The following HDAC9 variants were observed in gnomAD, a reference collection of about 807,000 sequenced individuals.
HDAC9 encodes the protein MEF-2 interacting transcription repressor (MITR) protein.
HDAC9 carries 41 observed loss-of-function variants against 139.4 expected under a neutral mutation model. That is an observed-to-expected ratio of 0.29 (90% CI 0.23 to 0.38). The LOEUF is 0.38. HDAC9 is among the 10% of genes least tolerant of loss of function. The pLI, the probability that HDAC9 is intolerant of heterozygous loss-of-function variation, is 1.00. For synonymous variants in HDAC9, 517 were observed against 476.2 expected (o/e 1.09, Z -1.12); for missense variants, 1,147 against 1,297.0 (o/e 0.88, Z 1.78).
chr7:18,799,876 C>T (rs1793144275), intron 17 of HDAC9, among the ~76,000 whole-genome samples: 1 of 152,018 alleles, frequency 6.6e-6, no homozygotes, highest in South Asian at 2.1e-4. Flanking sequence ...GAATATTTCC[C>T]AAATTCAATA....
At chr7:18,515,721 G>A (rs1802970640) in intron 2 of HDAC9, among the ~76,000 whole-genome samples, 1 of 152,156 alleles carries the variant, frequency 6.6e-6, no homozygotes, top group South Asian at 2.1e-4. Context: ...TTAAAACATG[G>A]AGTTTCAACA....
At chr7:18,761,708 T>C (rs577800804) in intron 14 of HDAC9, among the ~76,000 whole-genome samples, 8 of 152,290 alleles carry the variant, frequency 5.3e-5, no homozygotes, top group African/African-American at 1.7e-4. Context: ...AGCGTATCTG[T>C]GATCATCAAG....
At chr7:18,435,059 C>CAAAAAAAAAAA (rs376786180) in intron 1 of HDAC9, among the ~76,000 whole-genome samples, 44 of 67,790 alleles carry the variant, frequency 6.5e-4, no homozygotes, top group South Asian at 7.7e-4. Context: ...ACTACACAGC[C>CAAAAAAAAAAA]AAAAAAAAAA....
At chr7:18,165,052 T>G (rs1000352719) in intron 2 of HDAC9, among the ~76,000 whole-genome samples, 7 of 152,210 alleles carry the variant, frequency 4.6e-5, no homozygotes, top group Non-Finnish European at 8.8e-5. Flanking sequence ...TTTAGTGTCT[T>G]AAGTATTTTA....
At chr7:18,821,196 C>A (rs1794942784) in intron 17 of HDAC9, among the ~76,000 whole-genome samples, 2 of 152,226 alleles carry the variant, frequency 1.3e-5, no homozygotes, top group African/African-American at 4.8e-5. Flanking sequence ...ATAGGAAATG[C>A]TCTCATGACC....
intron 2 of HDAC9, among the ~76,000 whole-genome samples, chr7:18,498,890 C>G (rs1797651543): frequency 6.6e-6 from 1 of 152,012 alleles, no homozygotes; most frequent in Admixed American, 6.6e-5. Context: ...GTTTTCAATG[C>G]CATGTTCTAT....
chr7:18,277,083 A>G (rs906438648), intron 2 of HDAC9, among the ~76,000 whole-genome samples: 3 of 67,676 alleles, frequency 4.4e-5, no homozygotes, highest in African/African-American at 2.9e-4. Flanking sequence ...TTACATTGTT[A>G]AAAAAACAAA....
At chr7:18,289,547 G>T (rs1005786613), upstream of HDAC9, among the ~76,000 whole-genome samples, 17 of 152,168 alleles carry the variant, frequency 1.1e-4, no homozygotes, top group African/African-American at 4.1e-4. Flanking sequence ...GCAAGAGCTA[G>T]TGAGGCTTCA....
chr7:18,138,677 C>A (rs1391167528), intron 1 of HDAC9, among the ~76,000 whole-genome samples: 4 of 151,936 alleles, frequency 2.6e-5, no homozygotes, highest in Non-Finnish European at 5.9e-5. Flanking sequence ...TTTGGACATG[C>A]ACCAGCCAAA....
At chr7:18,109,829 G>T (rs1236963903) in intron 1 of HDAC9, among the ~76,000 whole-genome samples, 4 of 152,130 alleles carry the variant, frequency 2.6e-5, no homozygotes, top group Non-Finnish European at 5.9e-5. Context: ...AAGAAACTTT[G>T]CTTAAAATAC....
At chr7:18,095,168 A>G (rs1782427211) in intron 1 of HDAC9, among the ~76,000 whole-genome samples, 1 of 151,944 alleles carries the variant, frequency 6.6e-6, no homozygotes, top group South Asian at 2.1e-4. Flanking sequence ...TCTCTGCCCT[A>G]CTTTTTCACT....
intron 22 of HDAC9, among the ~76,000 whole-genome samples, chr7:18,885,070 G>GAAATTACAATTT (rs1393219031): frequency 6.6e-6 from 1 of 152,176 alleles, no homozygotes; most frequent in African/African-American, 2.4e-5. Context: ...CAATACGTTG[G>GAAATTACAATTT]GAATTACAAT....
chr7:18,317,791 T>C (rs1303797725), intron 1 of HDAC9, among the ~76,000 whole-genome samples: 5 of 152,204 alleles, frequency 3.3e-5, no homozygotes, highest in Non-Finnish European at 5.9e-5. Context: ...CAATCCTTTG[T>C]GTTTTGTTTC....
chr7:18,416,250 C>T (rs775382753), intron 1 of HDAC9, among the ~76,000 whole-genome samples: 9 of 151,830 alleles, frequency 5.9e-5, no homozygotes, highest in Non-Finnish European at 1.0e-4. Context: ...GAGCCGAGAT[C>T]GTGCCATTAT....
chr7:18,930,470 C>A (rs59071063), intron 22 of HDAC9, among the ~76,000 whole-genome samples: 3,659 of 149,934 alleles, frequency 0.024, 216 homozygotes, highest in East Asian at 0.17. Context: ...CACACAAACA[C>A]ACACACACAC....
At chr7:18,182,359 T>C (rs917908958) in intron 2 of HDAC9, among the ~76,000 whole-genome samples, 1 of 152,240 alleles carries the variant, frequency 6.6e-6, no homozygotes, top group African/African-American at 2.4e-5. Flanking sequence ...AGGAGCAGGC[T>C]TCTGTGGGGG....
intron 2 of HDAC9, among the ~76,000 whole-genome samples, chr7:18,277,641 T>TA (rs1554353680): frequency 1.3e-5 from 2 of 152,214 alleles, no homozygotes; most frequent in East Asian, 3.8e-4. Flanking sequence ...AAAGAAGACT[T>TA]ACTGGAAGTC....
intron 23 of HDAC9, among the ~76,000 whole-genome samples, chr7:18,941,198 G>A (rs955015888): frequency 4.2e-5 from 6 of 143,040 alleles, no homozygotes; most frequent in Admixed American, 7.2e-5. Flanking sequence ...CCTCCCTCCC[G>A]TTATTCTTCA....
At chr7:18,932,350 A>G (rs538005104) in intron 22 of HDAC9, among the ~76,000 whole-genome samples, 1 of 152,296 alleles carries the variant, frequency 6.6e-6, no homozygotes, top group South Asian at 2.1e-4. Context: ...GAAACATTCA[A>G]ATTTGGCAAT....
Sources: gnomAD v4.1 joint callset for allele counts (sites outside exome capture counted in the v4.1 genomes callset) on GRCh38, gnomAD v4.1.1 for gene constraint, MANE v1.5 for transcripts, NCBI Gene and HGNC (gene_info 2026-07-23, HGNC 2026-07-21) for gene names.